PLXNA4: variants seen among roughly 807,000 people sequenced by gnomAD.
PLXNA4 encodes plexin A4.
In PLXNA4, 44 loss-of-function variants were observed where a neutral mutation model predicts 191.8. The ratio of observed to expected loss-of-function variants is 0.23; its 90% CI spans 0.18 to 0.29. The LOEUF (loss-of-function observed/expected upper bound fraction) is 0.29, where lower values mean the gene tolerates loss of function less well. Among genes scored for constraint, PLXNA4 ranks in the 10% least tolerant of loss-of-function variants. PLXNA4 has a pLI of 1.00. For missense variants in PLXNA4, 1,800 were observed against 2,488.8 expected, an observed-to-expected ratio of 0.72 and a Z score of 5.89; for synonymous variants, 1,082 against 1,009.5, an observed-to-expected ratio of 1.07 and a Z score of -1.36.
At position 132,611,505 on chromosome 7, in the gene PLXNA4, T is replaced by G. The variant is rs1005546402; in HGVS notation, c.-87+34423A>C. ...CAGTACCCAACTCCTTCACAACTTC[T>G]GAACGTCTCCAAGAAAGATCAGAGG... On this transcript the variant is annotated intron_variant, in intron 2 of 4. Transcript: ENST00000378539. Among the ~76,000 whole-genome samples the G allele has an allele frequency of 5.3e-5, 8 of 152,332 alleles. 1 individual carries two copies. The highest frequency in any genetic ancestry group is 3.9e-4 in the Admixed American group (6 of 15,306).
intron 9 of PLXNA4, among the ~76,000 whole-genome samples, chr7:132,216,583 G>C (rs1418767434): frequency 6.6e-6 from 1 of 152,142 alleles, no homozygotes; most frequent in South Asian, 2.1e-4. Flanking sequence ...TGGTTAACTT[G>C]GTACAAGCAT....
At chr7:132,522,418 C>T (rs1010556639) in intron 1 of PLXNA4, among the ~76,000 whole-genome samples, 2 of 152,200 alleles carry the variant, frequency 1.3e-5, no homozygotes, top group Admixed American at 6.5e-5. Context: ...TTCCCAAAGT[C>T]ATGCCTTTCC....
chr7:132,545,072 A>G (rs1563163038), intron 1 of PLXNA4, among the ~76,000 whole-genome samples: 1 of 152,000 alleles, frequency 6.6e-6, no homozygotes, highest in Admixed American at 6.5e-5. Flanking sequence ...TAGCAAATGT[A>G]TTTTTTTTCT....
At chr7:132,368,404 G>C in intron 3 of PLXNA4, among the ~76,000 whole-genome samples, 1 of 152,258 alleles carries the variant, frequency 6.6e-6, no homozygotes, top group Admixed American at 6.5e-5. Context: ...GCTCCCTGTC[G>C]CTCTCCTTCC....
chr7:132,448,280 C>T (rs1311495464), intron 3 of PLXNA4, among the ~76,000 whole-genome samples: 1 of 152,160 alleles, frequency 6.6e-6, no homozygotes, highest in Admixed American at 6.5e-5. Flanking sequence ...GAAGACAACT[C>T]ACAGAGGTAC....
intron 4 of PLXNA4, among the ~76,000 whole-genome samples, chr7:132,281,193 A>G (rs1486516235): frequency 6.6e-6 from 1 of 152,224 alleles, no homozygotes; most frequent in Non-Finnish European, 1.5e-5. Flanking sequence ...CTAAGGTTCA[A>G]TTTATTTCCA....
intron 1 of PLXNA4, among the ~76,000 whole-genome samples, chr7:132,537,937 C>G (rs544572626): frequency 6.6e-6 from 1 of 152,230 alleles, no homozygotes; most frequent in African/African-American, 2.4e-5. Flanking sequence ...ATTTATCAAA[C>G]CAGCAGAGGG....
chr7:132,615,966 T>TCTCTCTCTCTCTCTCTCTCTCTCTCTC (rs1285560133), intron 2 of PLXNA4, among the ~76,000 whole-genome samples: 2 of 145,866 alleles, frequency 1.4e-5, no homozygotes, highest in Non-Finnish European at 3.0e-5. Flanking sequence ...TCTCTCTCTA[T>TCTCTCTCTCTCTCTCTCTCTCTCTCTC]TCCCCACCGC....
intron 3 of PLXNA4, among the ~76,000 whole-genome samples, chr7:132,377,773 G>T (rs1001126827): frequency 1.3e-5 from 2 of 152,200 alleles, no homozygotes; most frequent in African/African-American, 2.4e-5. Flanking sequence ...GAGCAGGAAG[G>T]TATGGCCAGG....
At chr7:132,312,887 G>A (rs553115653) in intron 3 of PLXNA4, among the ~76,000 whole-genome samples, 1 of 152,276 alleles carries the variant, frequency 6.6e-6, no homozygotes, top group East Asian at 1.9e-4. Context: ...TTTACATGAG[G>A]GGTCCATGGC....
At chr7:132,631,913 C>T (rs961934285) in intron 2 of PLXNA4, among the ~76,000 whole-genome samples, 4 of 152,120 alleles carry the variant, frequency 2.6e-5, no homozygotes, top group South Asian at 2.1e-4. Flanking sequence ...CTCTAACTGC[C>T]GAAGAAATAT....
At chr7:132,457,397 A>G (rs1018769553) in intron 3 of PLXNA4, among the ~76,000 whole-genome samples, 5 of 152,228 alleles carry the variant, frequency 3.3e-5, no homozygotes, top group African/African-American at 1.2e-4. Context: ...CTTTAAGCAC[A>G]TGTCCCCCAT....
chr7:132,338,341 C>A (rs937917274), intron 3 of PLXNA4, among the ~76,000 whole-genome samples: 40 of 152,322 alleles, frequency 2.6e-4, no homozygotes, highest in African/African-American at 9.1e-4. Flanking sequence ...TGAGCTCCCC[C>A]AAACTTATGA....
At chr7:132,622,860 T>C (rs1414224291) in intron 2 of PLXNA4, among the ~76,000 whole-genome samples, 1 of 152,226 alleles carries the variant, frequency 6.6e-6, no homozygotes, top group African/African-American at 2.4e-5. Context: ...CCAGGTTATC[T>C]GTTGAAGTTG....
intron 5 of PLXNA4, among the ~76,000 whole-genome samples, chr7:132,236,209 T>C (rs1051296388): frequency 6.6e-6 from 1 of 152,236 alleles, no homozygotes; most frequent in African/African-American, 2.4e-5. Flanking sequence ...GCCACCTGTT[T>C]ACAGAGGCCC....
At chr7:132,494,595 G>GTGT (rs1292750740) in intron 2 of PLXNA4, among the ~76,000 whole-genome samples, 2 of 152,330 alleles carry the variant, frequency 1.3e-5, no homozygotes, top group African/African-American at 2.4e-5. Flanking sequence ...TGTGGTGGTG[G>GTGT]TGGAGGTGGT....
intron 1 of PLXNA4, among the ~76,000 whole-genome samples, chr7:132,553,295 C>G (rs1266841368): frequency 1.3e-5 from 2 of 152,194 alleles, no homozygotes; most frequent in African/African-American, 4.8e-5. Flanking sequence ...GGAGGCAGCT[C>G]TCAGCAGCCC....
intron 5 of PLXNA4, among the ~76,000 whole-genome samples, chr7:132,233,704 C>T (rs767608121): frequency 4.6e-5 from 7 of 152,218 alleles, no homozygotes; most frequent in Non-Finnish European, 8.8e-5. Context: ...GACCCAAGAA[C>T]CTTTCTGGGC....
chr7:132,437,404 G>A (rs370832859), intron 3 of PLXNA4, among the ~76,000 whole-genome samples: 1 of 152,192 alleles, frequency 6.6e-6, no homozygotes, highest in East Asian at 1.9e-4. Context: ...ACGTGTGTGT[G>A]CATGTTTGCA....
Sources: gnomAD v4.1 joint callset for allele counts (sites outside exome capture counted in the v4.1 genomes callset) on GRCh38, gnomAD v4.1.1 for gene constraint, MANE v1.5 for transcripts, NCBI Gene and HGNC (gene_info 2026-07-23, HGNC 2026-07-21) for gene names.